MYH8: variants seen among roughly 807,000 people sequenced by gnomAD.
MYH8 encodes the protein myosin heavy chain 8.
MYH8 carries 168 observed loss-of-function variants against 233.2 expected under a neutral mutation model. That is an observed-to-expected ratio of 0.72 (90% CI 0.64 to 0.82). The LOEUF is 0.82. Ranked by LOEUF, MYH8 falls within the 40% of genes least tolerant of loss-of-function variation. The pLI, the probability that MYH8 is intolerant of heterozygous loss-of-function variation, is 0.00. For synonymous variants in MYH8, 785 were observed against 850.6 expected (o/e 0.92, Z 1.34); for missense variants, 1,995 against 2,327.8 (o/e 0.86, Z 2.94).
chr17:10,398,223 C>A (rs1406244876), intron 30 of MYH8, among the ~76,000 whole-genome samples: 4 of 152,098 alleles, frequency 2.6e-5, no homozygotes, highest in Non-Finnish European at 5.9e-5. Context: ...CAACTTACAG[C>A]CTCAACTTCC....
chr17:10,400,364 C>T lies in MYH8; in HGVS notation c.3735+26G>A, dbSNP rs2072125465. ...AATGGGTGTTCTTACAGATGATTAC[C>T]TTCATTTAGAGACAGTATTGGGTAC... is the stretch of plus-strand genomic sequence containing the variant. On this transcript the variant is annotated intron_variant, in intron 27 of 39. Transcript: ENST00000403437. This position sits in a 1 kb window ranked among gnomAD's most constrained non-coding sequence, Gnocchi z 4.0. 6 of 1,609,130 alleles carry T rather than the reference C, an allele frequency of 3.7e-6. No individual in the cohort carries two copies. Among genetic ancestry groups the T allele is most frequent in the East Asian group, 2.2e-5 (1 of 44,868 alleles).
intron 27 of MYH8, 97 bp from the exon 28 acceptor site, chr17:10,399,766 C>CA (rs2072118427): frequency 6.5e-7 from 1 of 1,531,886 alleles, no homozygotes; most frequent in African/African-American, 1.4e-5. Flanking sequence ...AAATTCATGT[C>CA]AAGTGTGAGT....
rs2072122732 is a variant in MYH8 at position 10,400,154 on chromosome 17, G to A, written c.3735+236C>T. Reference sequence around the variant, plus strand: ...GGAGGCGGAGCTTGCAGTGAGCCGAGATTGCGCCACTGCACTTCAGCCTGG... The same window carrying A: ...GGAGGCGGAGCTTGCAGTGAGCCGAAATTGCGCCACTGCACTTCAGCCTGG... On this transcript the variant is annotated intron_variant, in intron 27 of 39. Coordinates refer to ENST00000403437, the MANE Select transcript of MYH8 (RefSeq NM_002472.3). The surrounding 1 kb of genome is among the most constrained non-coding windows in gnomAD (Gnocchi z 4.0). Among the ~76,000 whole-genome samples, 1 of 152,112 alleles carries A rather than the reference G, an allele frequency of 6.6e-6. No homozygotes were observed. The highest frequency in any genetic ancestry group is 2.1e-4 in the South Asian group (1 of 4,824).
chr17:10,399,807 T>A, intron 27 of MYH8, 138 bp from the exon 28 acceptor site: 1 of 1,283,008 alleles, frequency 7.8e-7, no homozygotes. Context: ...CTGTGGAACA[T>A]GCAAGAATTT....
chr17:10,395,225 C>T lies in MYH8; in HGVS notation c.4870G>A (p.Asp1624Asn), dbSNP rs1017942863. The T allele has an allele frequency of 1.2e-6, 2 of 1,614,142 alleles. No individual in the cohort carries two copies. Among genetic ancestry groups the T allele is most frequent in the South Asian group, 1.1e-5 (1 of 91,074 alleles). The stretch of plus-strand genomic sequence containing the variant: ...AGCTGGATTTCCATTTCATTCAGAT[C>T]TCCTTCCATTTTCTTCTTGACTCTC... ...ALRVKKKMEG[D>N]LNEMEIQLNH... The change falls in exon 34 of 40, where the codon GAT (aspartate) becomes AAT (asparagine). Residue 1624 changes from aspartate to asparagine, a missense_variant. By Grantham distance (23) the Asp-to-Asn change is conservative (BLOSUM62 1). Transcript: ENST00000403437.
intron 22 of MYH8, among the ~76,000 whole-genome samples, chr17:10,403,469 CT>C (rs1396025592): frequency 6.6e-6 from 1 of 151,842 alleles, no homozygotes; most frequent in African/African-American, 2.4e-5. Flanking sequence ...TTTCTTTTTT[CT>C]TTTTTTGAGC....
Position 10,420,199 on chromosome 17 carries a change from G to T in MYH8, c.29C>A (p.Ala10Asp). 1.2e-6 allele frequency: 2 copies of T among 1,613,598 alleles called. No individual in the cohort carries two copies. Among genetic ancestry groups the T allele is most frequent in the Non-Finnish European group, 1.7e-6 (2 of 1,180,044 alleles). The change falls in exon 3 of 40, where the codon GCT (alanine) becomes GAT (aspartate). Residue 10 changes from alanine to aspartate, a missense_variant. Physicochemically the swap from Ala to Asp is moderately radical, Grantham distance 126. Around this residue, in one of 3 missense-constraint regions of MYH8, gnomAD observed 479 missense variants for 600.9 expected, o/e 0.80. Transcript: ENST00000403437. MSASSDAEM[A>D]VFGEAAPYLR... ...GTAGGGAGCAGCTTCGCCAAAAACA[G>T]CCATCTCAGCGTCTGAGCTCGCACT...
chr17:10,410,631 A>C (rs2072235745), intron 15 of MYH8, 146 bp downstream of exon 15: 3 of 1,319,170 alleles, frequency 2.3e-6, no homozygotes, highest in Non-Finnish European at 3.2e-6. Context: ...TGTAGAAGTT[A>C]AAAAGAGGAA....
rs2072126147 is a variant in MYH8 at position 10,400,412 on chromosome 17, G to C, written c.3713C>G (p.Ala1238Gly). Reference protein sequence around the residue: ...KMETDDLSSNAEAISKAKGNL... With the variant: ...KMETDDLSSNGEAISKAKGNL... ...TACCTTGGCTTTGGAAATGGCCTCT[G>C]CGTTACTGCTGAGGTCATCAGTCTC... Residue 1238 changes from alanine to glycine, a missense_variant, in exon 27 of 40, where the codon GCA becomes GGA. Coordinates refer to ENST00000403437, the MANE Select transcript of MYH8 (RefSeq NM_002472.3). The surrounding 1 kb of genome is among the most constrained non-coding windows in gnomAD (Gnocchi z 4.0). 6 of 1,613,608 alleles carry C rather than the reference G, an allele frequency of 3.7e-6. No homozygotes were observed. The highest frequency in any genetic ancestry group is 5.1e-6 in the Non-Finnish European group (6 of 1,179,934).
chr17:10,419,145 C>A lies in MYH8; in HGVS notation c.211-115G>T. On this transcript the variant is annotated intron_variant, in intron 3 of 39. Coordinates refer to ENST00000403437, the MANE Select transcript of MYH8 (RefSeq NM_002472.3). The surrounding 1 kb of genome is among the most constrained non-coding windows in gnomAD (Gnocchi z 4.0). ...CGATCTCAGCTCACTGCAACCTCCG[C>A]CCTCCTGCTTCAAGTGATTGTCCTG... is the stretch of plus-strand genomic sequence containing the variant. 8.2e-7 allele frequency: 1 copy of A among 1,224,470 alleles called. No individual in the cohort carries two copies. The highest frequency in any genetic ancestry group is 1.2e-6 in the Non-Finnish European group (1 of 849,616). The allele number at this position is 1,224,470 out of a possible 1,614,324, so 75.9% of individuals were successfully genotyped here. A position where few individuals can be genotyped will look rare whatever the true frequency, so the allele number is the denominator to read the frequency against.
chr17:10,407,057 A>G, intron 17 of MYH8, 78 bp from the exon 18 acceptor site: 1 of 1,104,886 alleles, frequency 9.1e-7, no homozygotes, highest in Non-Finnish European at 1.4e-6. Context: ...GAATGAACCT[A>G]GACAGTCCTT....
In MYH8 at chr17:10,401,387, T is replaced by C. The variant is rs1411515344; in HGVS notation, c.2996A>G (p.Lys999Arg). Residue 999 changes from lysine to arginine, a missense_variant, in exon 24 of 40, where the codon AAG becomes AGG. Transcript: ENST00000403437. ...CTGGTGGGTCTCTTGGAGAGCCTTC[T>C]TCTCCTTGGACAGTTTTGCAATGGT... ...DETIAKLSKE[K>R]KALQETHQQT... The C allele has an allele frequency of 7.4e-6, 12 of 1,613,986 alleles. No individual in the cohort carries two copies. The African/African-American group carries it at 8.0e-5, about 11-fold the overall frequency.
chr17:10,417,790 A>G lies in MYH8; in HGVS notation c.511+855T>C, dbSNP rs1393617499. ...AGAATCCTTGTAGAATTGATGGCCA[A>G]TTTGTAATGGGAGATTCCTATTTTA... On this transcript the variant is annotated intron_variant, in intron 5 of 39. Coordinates refer to ENST00000403437, the MANE Select transcript of MYH8 (RefSeq NM_002472.3). This position sits in a 1 kb window ranked among gnomAD's most constrained non-coding sequence, Gnocchi z 4.1. 6.6e-6 allele frequency among the ~76,000 whole-genome samples: 1 copy of G among 152,188 alleles called. No homozygotes were observed. The highest frequency in any genetic ancestry group is 2.4e-5 in the African/African-American group (1 of 41,446).
intron 2 of MYH8, among the ~76,000 whole-genome samples, chr17:10,420,508 A>G (rs1474038236): frequency 6.6e-6 from 1 of 152,228 alleles, no homozygotes; most frequent in Non-Finnish European, 1.5e-5. Context: ...GGGTACCTAC[A>G]ATTGAATTAG....
intron 12 of MYH8, among the ~76,000 whole-genome samples, chr17:10,413,471 C>G (rs1037279151): frequency 6.6e-6 from 1 of 152,138 alleles, no homozygotes; most frequent in African/African-American, 2.4e-5. Flanking sequence ...TATATACAGA[C>G]AATACACACT....
At position 10,412,362 on chromosome 17, in the gene MYH8, T is replaced by C; in HGVS notation, c.1416+8A>G. ...GCCTCCTTCTTAATTCTTGTTAATA[T>C]AACTCACATCAAAGATTTCAAAGCC... On this transcript the variant is annotated splice_region_variant and intron_variant, in intron 14 of 39. Transcript: ENST00000403437. 1 of 1,614,114 alleles carries C rather than the reference T, an allele frequency of 6.2e-7. No individual in the cohort carries two copies. The highest frequency in any genetic ancestry group is 8.5e-7 in the Non-Finnish European group (1 of 1,179,976).
chr17:10,393,708 G>C (rs958321451), intron 35 of MYH8, among the ~76,000 whole-genome samples: 2 of 152,160 alleles, frequency 1.3e-5, no homozygotes, highest in Non-Finnish European at 2.9e-5. Flanking sequence ...GTCTCAACAG[G>C]TATTTGAAAA....
rs1282303936 is a variant in MYH8, at chr17:10,410,958, T to C, written c.1417-11A>G. ...CTCCAGGCTGTTAAACTACACAAAA[T>C]AATAGAGATTTCCAACATCAAATGA... is the stretch of plus-strand genomic sequence containing the variant. On this transcript the variant is annotated splice_polypyrimidine_tract_variant and intron_variant, in intron 14 of 39. Coordinates refer to ENST00000403437, the MANE Select transcript of MYH8 (RefSeq NM_002472.3). 1 of 1,614,100 alleles carries C rather than the reference T, an allele frequency of 6.2e-7. No homozygotes were observed. Among genetic ancestry groups the C allele is most frequent in the Admixed American group, 1.7e-5 (1 of 60,016 alleles).
rs1254908314 is a variant in MYH8 at position 10,398,801 on chromosome 17, T to C, written c.3948A>G (p.Glu1316=). ...RSKQASTQQI[E]ELKHQLEEET... ...CTTCCTCTAGTTGATGTTTCAGCTC[T>C]TCAATCTGCTGAGTAGATGCTTGCT... is the stretch of plus-strand genomic sequence containing the variant. Residue 1316 remains glutamate, a synonymous_variant, in exon 29 of 40, where the codon GAA becomes GAG. Transcript: ENST00000403437. The C allele has an allele frequency of 3.1e-6, 5 of 1,614,014 alleles. No individual in the cohort carries two copies. In the Admixed American group the frequency reaches 6.7e-5, roughly 22 times the overall value.
Sources: gnomAD v4.1 joint callset for allele counts (sites outside exome capture counted in the v4.1 genomes callset) on GRCh38, gnomAD v4.1.1 for gene constraint, gnomAD v4.1.1 regional missense constraint, Gnocchi (gnomAD v3.1) non-coding constraint, MANE v1.5 for transcripts, NCBI Gene and HGNC (gene_info 2026-07-23, HGNC 2026-07-21) for gene names.